The following CCDC25 variants were observed in gnomAD, a reference collection of about 807,000 sequenced individuals.
CCDC25 encodes coiled-coil domain containing 25.
A neutral mutation model predicts 35.3 loss-of-function variants in CCDC25; 16 were observed. That is an observed-to-expected ratio of 0.45 (90% CI 0.31 to 0.69). The LOEUF (loss-of-function observed/expected upper bound fraction) is 0.69. Among genes scored for constraint, CCDC25 ranks in the 30% least tolerant of loss-of-function variants. The pLI, the probability that CCDC25 is intolerant of heterozygous loss-of-function variation, is 0.06. For synonymous variants in CCDC25, 79 were observed against 80.3 expected, an observed-to-expected ratio of 0.98 and a Z score of 0.09; for missense variants, 179 against 250.7, an observed-to-expected ratio of 0.71 and a Z score of 1.93.
Position 27,750,830 on chromosome 8 carries a change from T to C in CCDC25, c.244+1682A>G, listed in dbSNP as rs150330543. Among the ~76,000 whole-genome samples, 502 of 152,330 alleles carry C rather than the reference T, an allele frequency of 3.3e-3. 8 individuals are homozygous for C. Among genetic ancestry groups the C allele is most frequent in the African/African-American group, 0.011 (472 of 41,560 alleles). The stretch of plus-strand genomic sequence containing the variant: ...TATGACCCAGAACAGGCTGATTCTA[T>C]AGCGACAAACAAATTTAGCCCCAAA... On this transcript the variant is annotated intron_variant, in intron 5 of 8. Transcript: ENST00000356537.
At chr8:27,756,404 G>A (rs1172978059) in intron 4 of CCDC25, 1 of 248,900 alleles carries the variant, frequency 4.0e-6, no homozygotes, top group African/African-American at 2.3e-5. Context: ...ATCCACTGGA[G>A]GAGACAGAAA....
At chr8:27,738,126 G>C (rs551772304) in intron 8 of CCDC25, among the ~76,000 whole-genome samples, 1 of 152,052 alleles carries the variant, frequency 6.6e-6, no homozygotes. Context: ...AGAGTGGGAG[G>C]GGGGTGAGGG....
intron 1 of CCDC25, among the ~76,000 whole-genome samples, chr8:27,770,030 G>C (rs1461357737): frequency 1.3e-5 from 2 of 152,114 alleles, no homozygotes; most frequent in Non-Finnish European, 2.9e-5. Context: ...TGTAATCCCA[G>C]CTACTTGGGA....
intron 1 of CCDC25, among the ~76,000 whole-genome samples, chr8:27,769,491 CTA>C (rs1804512660): frequency 6.6e-6 from 1 of 152,106 alleles, no homozygotes; most frequent in Non-Finnish European, 1.5e-5. Context: ...ATATGGATAT[CTA>C]TGTTGTTGAA....
At chr8:27,755,664 G>A (rs1158934502) in intron 4 of CCDC25, among the ~76,000 whole-genome samples, 3 of 152,164 alleles carry the variant, frequency 2.0e-5, no homozygotes, top group Admixed American at 2.0e-4. Flanking sequence ...CAAGGCTCAC[G>A]TCATCAATGA....
In CCDC25 at chr8:27,736,121, T is replaced by A. The variant is rs1458743841; in HGVS notation, c.*95A>T. On this transcript the variant is annotated 3_prime_UTR_variant, in exon 9 of 9. Coordinates refer to ENST00000356537, the MANE Select transcript of CCDC25 (RefSeq NM_018246.3). ...GGGTAGGATGAAGGTAGAATTTTGGTTGTATTTTATATTTCAGAACACAGA... is the reference window on the plus strand; with the variant it reads ...GGGTAGGATGAAGGTAGAATTTTGGATGTATTTTATATTTCAGAACACAGA... The A allele has an allele frequency of 1.4e-5, 16 of 1,183,206 alleles. No homozygotes were observed. Among genetic ancestry groups the A allele is most frequent in the Non-Finnish European group, 1.2e-6 (1 of 833,990 alleles). The allele number at this position is 1,183,206 out of a possible 1,614,324, so 73.3% of individuals were successfully genotyped here. A position where few individuals can be genotyped will look rare whatever the true frequency, so the allele number is the denominator to read the frequency against.
At position 27,738,601 on chromosome 8, in the gene CCDC25, G is replaced by GGTGTGTGTGTGT. The variant is rs35046025; in HGVS notation, c.597+1859_597+1870dup. Reference sequence around the variant, plus strand: ...ATGTATGTATGTAGGTCGGTAGGTAGGTGTGTGTGTGTGTGTGTGTGTGTA... The same window carrying GGTGTGTGTGTGT: ...ATGTATGTATGTAGGTCGGTAGGTAGGTGTGTGTGTGTGTGTGTGTGTGTGTGTGTGTGTGTA... On this transcript the variant is annotated intron_variant, in intron 8 of 8. Coordinates refer to ENST00000356537, the MANE Select transcript of CCDC25 (RefSeq NM_018246.3). Among the ~76,000 whole-genome samples the GGTGTGTGTGTGT allele has an allele frequency of 1.0e-3, 157 of 150,076 alleles. 1 individual carries two copies. Among genetic ancestry groups the GGTGTGTGTGTGT allele is most frequent in the African/African-American group, 3.7e-3 (150 of 40,864 alleles).
chr8:27,745,328 T>G (rs1335492993), intron 7 of CCDC25, among the ~76,000 whole-genome samples: 1 of 152,148 alleles, frequency 6.6e-6, no homozygotes, highest in African/African-American at 2.4e-5. Flanking sequence ...CTCTCTCAGG[T>G]AGTCATAGTC....
At chr8:27,751,177 A>G (rs917588864) in intron 5 of CCDC25, among the ~76,000 whole-genome samples, 3 of 152,226 alleles carry the variant, frequency 2.0e-5, no homozygotes, top group African/African-American at 7.2e-5. Context: ...TAAGGCCTCC[A>G]AAGCTCTTTT....
chr8:27,759,779 C>A (rs1368916988), intron 3 of CCDC25, among the ~76,000 whole-genome samples: 58 of 91,262 alleles, frequency 6.4e-4, no homozygotes, highest in East Asian at 2.2e-3. Flanking sequence ...GACTCTGTCT[C>A]AAAAAAAAAA....
chr8:27,750,187 C>G (rs1404537403), intron 5 of CCDC25, among the ~76,000 whole-genome samples: 1 of 152,112 alleles, frequency 6.6e-6, no homozygotes, highest in Non-Finnish European at 1.5e-5. Flanking sequence ...TAAGACAGCA[C>G]AGAGAAAGTG....
intron 7 of CCDC25, among the ~76,000 whole-genome samples, chr8:27,747,345 C>T (rs1803639702): frequency 6.6e-6 from 1 of 152,172 alleles, no homozygotes; most frequent in South Asian, 2.1e-4. Context: ...GAAGGAGCCA[C>T]AAGCCAAGAA....
intron 4 of CCDC25, among the ~76,000 whole-genome samples, chr8:27,753,502 G>A (rs1803889866): frequency 6.6e-6 from 1 of 152,100 alleles, no homozygotes; most frequent in Admixed American, 6.5e-5. Context: ...CTTGAGCCCA[G>A]GCGTTCAAGA....
chr8:27,769,960 G>A (rs1014421643), intron 1 of CCDC25, among the ~76,000 whole-genome samples: 5 of 152,126 alleles, frequency 3.3e-5, no homozygotes, highest in African/African-American at 1.2e-4. Context: ...TGGCCAATAT[G>A]GTGAAACCCC....
rs1417427997 is a variant in CCDC25 at position 27,733,487 on chromosome 8, A to C, written c.*2729T>G. 6.6e-6 allele frequency: 1 copy of C among 152,196 alleles called. No individual in the cohort carries two copies. Among genetic ancestry groups the C allele is most frequent in the African/African-American group, 2.4e-5 (1 of 41,432 alleles). 9.4% of individuals were successfully genotyped at this position (152,196 alleles called of 1,614,324 possible). On this transcript the variant is annotated 3_prime_UTR_variant, in exon 9 of 9. Transcript: ENST00000356537. ...CAGGAAGGAGCTCTCACGAAGTGCCAGCTGGATGTGAGCTTGCTCTGGCAG... is the reference window on the plus strand; with the variant it reads ...CAGGAAGGAGCTCTCACGAAGTGCCCGCTGGATGTGAGCTTGCTCTGGCAG...
At chr8:27,759,412 G>A (rs2128944081) in intron 3 of CCDC25, among the ~76,000 whole-genome samples, 1 of 152,202 alleles carries the variant, frequency 6.6e-6, no homozygotes, top group East Asian at 1.9e-4. Context: ...TTGGAGACCA[G>A]CCTGGCCAAT....
At chr8:27,772,169 G>C (rs1804644714) in intron 1 of CCDC25, 1 of 404,878 alleles carries the variant, frequency 2.5e-6, no homozygotes, top group Non-Finnish European at 4.5e-6. Flanking sequence ...GCAGATGGAA[G>C]GTGGGAAGAA....
intron 4 of CCDC25, among the ~76,000 whole-genome samples, chr8:27,753,492 CT>C (rs1006157906): frequency 5.1e-4 from 77 of 152,306 alleles, no homozygotes; most frequent in African/African-American, 1.8e-3. Context: ...AGGAGGACAG[CT>C]TGAGCCCAGG....
At chr8:27,767,825 C>G (rs1009825228) in intron 1 of CCDC25, among the ~76,000 whole-genome samples, 1 of 149,598 alleles carries the variant, frequency 6.7e-6, no homozygotes, top group Non-Finnish European at 1.5e-5. Context: ...CTGCAACTTA[C>G]AAACGTTTCA....
Sources: allele counts gnomAD v4.1 joint callset (sites outside exome capture counted in the v4.1 genomes callset), GRCh38; gene constraint gnomAD v4.1.1; transcripts MANE v1.5; gene names NCBI Gene and HGNC (gene_info 2026-07-23, HGNC 2026-07-21).